Variants in FNIP2 observed in about 807,000 individuals in gnomAD.
FNIP2 encodes folliculin-interacting protein 2.
Under a neutral mutation model 108.7 loss-of-function variants are expected in FNIP2, and 32 were observed. That is an observed-to-expected ratio of 0.29 (90% CI 0.22 to 0.40). The LOEUF is 0.40. Ranked by LOEUF, FNIP2 falls within the 10% of genes least tolerant of loss-of-function variation. The pLI, the probability that FNIP2 is intolerant of heterozygous loss-of-function variation, is 1.00. For missense variants in FNIP2, 1,202 were observed against 1,381.6 expected, an observed-to-expected ratio of 0.87 and a Z score of 2.06; for synonymous variants, 480 against 496.7, an observed-to-expected ratio of 0.97 and a Z score of 0.45.
intron 16 of FNIP2, among the ~76,000 whole-genome samples, chr4:158,900,735 G>A (rs1015878962): frequency 2.6e-5 from 4 of 152,054 alleles, no homozygotes; most frequent in Admixed American, 6.5e-5. Context: ...GTGTTTGCAC[G>A]TGAGATGTGT....
At chr4:158,809,191 G>A (rs13124267) in intron 1 of FNIP2, among the ~76,000 whole-genome samples, 44,272 of 152,048 alleles carry the variant, frequency 0.29, 7,183 homozygotes, top group Non-Finnish European at 0.38. Context: ...GCATGGTGGC[G>A]TTCATGCCTG....
intron 16 of FNIP2, among the ~76,000 whole-genome samples, chr4:158,904,190 C>T (rs987929226): frequency 6.6e-6 from 1 of 152,098 alleles, no homozygotes; most frequent in African/African-American, 2.4e-5. Context: ...AGTCTGGTGA[C>T]CCCTGCCAAG....
chr4:158,771,435 C>A (rs997896484), intron 1 of FNIP2, among the ~76,000 whole-genome samples: 2 of 152,154 alleles, frequency 1.3e-5, no homozygotes, highest in African/African-American at 4.8e-5. Flanking sequence ...TTCTCTCTAC[C>A]TAAAAAATTG....
At chr4:158,873,442 G>T (rs1375458329) in intron 14 of FNIP2, among the ~76,000 whole-genome samples, 1 of 152,054 alleles carries the variant, frequency 6.6e-6, no homozygotes, top group Non-Finnish European at 1.5e-5. Flanking sequence ...CTTGAACTGG[G>T]CTCATGTGAT....
intron 14 of FNIP2, among the ~76,000 whole-genome samples, chr4:158,885,897 A>G (rs1782001204): frequency 6.6e-6 from 1 of 152,206 alleles, no homozygotes; most frequent in Non-Finnish European, 1.5e-5. Context: ...GCGATTCTCT[A>G]AACCTTGTAG....
At chr4:158,804,807 A>G in intron 1 of FNIP2, among the ~76,000 whole-genome samples, 1 of 152,250 alleles carries the variant, frequency 6.6e-6, no homozygotes, top group Non-Finnish European at 1.5e-5. Flanking sequence ...ATCAGTGGCC[A>G]TGTCAGTTCT....
At position 158,861,591 on chromosome 4, in the gene FNIP2, T is replaced by C. The variant is rs768116466; in HGVS notation, c.1296-16T>C. On this transcript the variant is annotated splice_polypyrimidine_tract_variant and intron_variant, in intron 11 of 16. Coordinates refer to ENST00000264433, the MANE Select transcript of FNIP2 (RefSeq NM_020840.3). ...GTATTGACTAAGTTGGTTGTATCTT[T>C]TTCCATTTCTCCAAGGTTTTTTGCT... is the stretch of plus-strand genomic sequence containing the variant. 30 of 1,613,884 alleles carry C rather than the reference T, an allele frequency of 1.9e-5. No homozygotes were observed. The highest frequency in any genetic ancestry group is 1.2e-4 in the South Asian group (11 of 91,088).
chr4:158,887,070 G>GT (rs1359999136), intron 14 of FNIP2, among the ~76,000 whole-genome samples: 2 of 152,184 alleles, frequency 1.3e-5, no homozygotes, highest in African/African-American at 4.8e-5. Context: ...AGTTGTCAGC[G>GT]TTGGGGTACA....
chr4:158,856,691 G>C (rs1002025216), intron 8 of FNIP2, among the ~76,000 whole-genome samples: 11 of 152,130 alleles, frequency 7.2e-5, no homozygotes, highest in Non-Finnish European at 1.3e-4. Flanking sequence ...GGAATCCTGG[G>C]TTCTAACTCC....
chr4:158,828,789 A>G (rs767951228), intron 2 of FNIP2, among the ~76,000 whole-genome samples: 1 of 152,248 alleles, frequency 6.6e-6, no homozygotes, highest in Non-Finnish European at 1.5e-5. Flanking sequence ...TCAAAACTCA[A>G]ATAACCAAAA....
At chr4:158,896,929 G>A (rs1782742251) in intron 16 of FNIP2, among the ~76,000 whole-genome samples, 2 of 151,798 alleles carry the variant, frequency 1.3e-5, no homozygotes, top group Non-Finnish European at 2.9e-5. Flanking sequence ...ACGTGCCATG[G>A]TGGTTTGCTG....
intron 16 of FNIP2, among the ~76,000 whole-genome samples, chr4:158,902,827 C>A (rs1729455638): frequency 6.6e-6 from 1 of 152,142 alleles, no homozygotes; most frequent in Non-Finnish European, 1.5e-5. Context: ...ATGGTGGATG[C>A]CCCTCCCCCA....
intron 14 of FNIP2, among the ~76,000 whole-genome samples, chr4:158,883,264 CG>C (rs1416176331): frequency 6.6e-6 from 1 of 151,714 alleles, no homozygotes; most frequent in Non-Finnish European, 1.5e-5. Flanking sequence ...TTTTTTGAGA[CG>C]GAGTCTGGCT....
intron 14 of FNIP2, chr4:158,871,820 T>G: frequency 1.0e-6 from 1 of 985,350 alleles, no homozygotes; most frequent in Non-Finnish European, 1.2e-6. Context: ...CATGAGTCCA[T>G]GCATCAATGA....
intron 10 of FNIP2, 123 bp downstream of exon 10, chr4:158,859,789 C>G: frequency 1.2e-6 from 1 of 802,900 alleles, no homozygotes; most frequent in Non-Finnish European, 2.1e-6. Context: ...TGGTTCCGCC[C>G]TTCAAGATGG....
chr4:158,798,091 G>T (rs1312775298), intron 1 of FNIP2, among the ~76,000 whole-genome samples: 1 of 151,992 alleles, frequency 6.6e-6, no homozygotes, highest in South Asian at 2.1e-4. Context: ...TAGAGACAGG[G>T]TCTTGCCCTG....
intron 1 of FNIP2, among the ~76,000 whole-genome samples, chr4:158,821,548 A>T (rs562915719): frequency 6.6e-6 from 1 of 152,372 alleles, no homozygotes; most frequent in Non-Finnish European, 1.5e-5. Context: ...TATGTGTGCC[A>T]TGGAGCTACC....
At chr4:158,839,136 C>G (rs1398972794) in intron 7 of FNIP2, among the ~76,000 whole-genome samples, 1 of 152,116 alleles carries the variant, frequency 6.6e-6, no homozygotes, top group Non-Finnish European at 1.5e-5. Context: ...CCTGTCCAGG[C>G]TGTGTACTTT....
intron 2 of FNIP2, 130 bp downstream of exon 2, chr4:158,826,172 A>G: frequency 3.2e-6 from 4 of 1,268,372 alleles, no homozygotes; most frequent in Non-Finnish European, 4.3e-6. Context: ...CAGAAGAAAC[A>G]TAAGCAAGCA....
Sources: allele counts gnomAD v4.1 joint callset (sites outside exome capture counted in the v4.1 genomes callset), GRCh38; gene constraint gnomAD v4.1.1; transcripts MANE v1.5; gene names NCBI Gene and HGNC (gene_info 2026-07-23, HGNC 2026-07-21).